Variants in SHOC2 observed in about 807,000 individuals in gnomAD.
SHOC2 encodes the protein SHOC2 leucine rich repeat scaffold protein.
A neutral mutation model predicts 50.2 loss-of-function variants in SHOC2; 4 were observed. The observed-to-expected ratio is 0.08, with a 90% CI of 0.04 to 0.18. SHOC2 has a LOEUF of 0.18. Ranked by LOEUF, SHOC2 falls within the 10% of genes least tolerant of loss-of-function variation. The pLI, the probability that SHOC2 is intolerant of heterozygous loss-of-function variation, is 1.00. For missense variants in SHOC2, 388 were observed against 669.6 expected, an observed-to-expected ratio of 0.58 and a Z score of 4.64; for synonymous variants, 218 against 244.5, an observed-to-expected ratio of 0.89 and a Z score of 1.01.
intron 2 of SHOC2, among the ~76,000 whole-genome samples, chr10:110,983,328 ACT>A (rs1331589071): frequency 6.6e-6 from 1 of 151,282 alleles, no homozygotes; most frequent in Non-Finnish European, 1.5e-5. Context: ...ATTGATTTAT[ACT>A]CTTATTTTTA....
intron 1 of SHOC2, among the ~76,000 whole-genome samples, chr10:110,925,505 A>T (rs978955087): frequency 1.3e-5 from 2 of 152,102 alleles, no homozygotes; most frequent in Non-Finnish European, 2.9e-5. Flanking sequence ...CCCAGACTAG[A>T]GTGCAGTGGC....
In SHOC2 at chr10:111,012,325, T is replaced by G. The variant is rs1190217442; in HGVS notation, c.*507T>G. 6.2e-6 allele frequency: 1 copy of G among 160,678 alleles called. No individual in the cohort carries two copies. The highest frequency in any genetic ancestry group is 2.4e-5 in the African/African-American group (1 of 41,470). 10.0% of individuals were successfully genotyped at this position (160,678 alleles called of 1,614,324 possible). On this transcript the variant is annotated 3_prime_UTR_variant, in exon 9 of 9. Transcript: ENST00000369452. ...AGTCAGAGTAAATCACTGGATTTCT[T>G]TTGTTTGTTTTGATTTGCTCTGTTT...
intron 3 of SHOC2, among the ~76,000 whole-genome samples, chr10:110,996,469 A>C (rs1848270070): frequency 6.6e-6 from 1 of 151,932 alleles, no homozygotes; most frequent in African/African-American, 2.4e-5. Context: ...TTGAGGCTGC[A>C]GAGAGCCATG....
At chr10:110,939,282 C>T (rs1414248505) in intron 1 of SHOC2, among the ~76,000 whole-genome samples, 6 of 151,952 alleles carry the variant, frequency 3.9e-5, no homozygotes, top group African/African-American at 1.5e-4. Flanking sequence ...GCAGTGGCAC[C>T]ATCATGGCTC....
At chr10:110,999,202 C>G (rs1848320898) in intron 3 of SHOC2, among the ~76,000 whole-genome samples, 1 of 152,118 alleles carries the variant, frequency 6.6e-6, no homozygotes. Flanking sequence ...CTGGCCCATC[C>G]AAGTATCTCA....
chr10:110,988,504 T>C (rs566904822), intron 3 of SHOC2, among the ~76,000 whole-genome samples: 6 of 152,156 alleles, frequency 3.9e-5, no homozygotes, highest in Non-Finnish European at 8.8e-5. Flanking sequence ...CATAACATTC[T>C]TATTATTTTA....
intron 1 of SHOC2, among the ~76,000 whole-genome samples, chr10:110,958,337 C>T (rs937332102): frequency 5.9e-5 from 9 of 152,102 alleles, no homozygotes; most frequent in African/African-American, 2.2e-4. Context: ...CCTCAGCCTC[C>T]TGAGTAGCTG....
chr10:110,943,368 GT>G (rs1847188038), intron 1 of SHOC2, among the ~76,000 whole-genome samples: 1 of 151,318 alleles, frequency 6.6e-6, no homozygotes, highest in East Asian at 1.9e-4. Flanking sequence ...TTCTAGTGAG[GT>G]TTGCATTTCC....
At chr10:110,940,926 T>G (rs1202707393) in intron 1 of SHOC2, among the ~76,000 whole-genome samples, 5,392 of 15,062 alleles carry the variant, frequency 0.36, 632 homozygotes, top group African/African-American at 0.41. Flanking sequence ...TTTTTTTTTT[T>G]TTTTTTTTTT....
chr10:110,935,053 G>A (rs535259090), intron 1 of SHOC2, among the ~76,000 whole-genome samples: 38 of 152,170 alleles, frequency 2.5e-4, no homozygotes, highest in Non-Finnish European at 4.1e-4. Flanking sequence ...GCATATATAT[G>A]TATATATTTT....
Position 111,004,809 on chromosome 10 carries a change from G to T in SHOC2, c.1161+15G>T, listed in dbSNP as rs975104320. ...TGAATATGAAGGTAAGCATATATTTGTTTACTAGGGAAAGGAATTGCTTTA... is the reference window on the plus strand; with the variant it reads ...TGAATATGAAGGTAAGCATATATTTTTTTACTAGGGAAAGGAATTGCTTTA... On this transcript the variant is annotated intron_variant, in intron 5 of 8. Coordinates refer to ENST00000369452, the MANE Select transcript of SHOC2 (RefSeq NM_007373.4). 2 of 1,546,742 alleles carry T rather than the reference G, an allele frequency of 1.3e-6. No individual in the cohort carries two copies. The highest frequency in any genetic ancestry group is 1.8e-6 in the Non-Finnish European group (2 of 1,119,862).
At chr10:110,939,635 T>TG (rs1352456970) in intron 1 of SHOC2, among the ~76,000 whole-genome samples, 2 of 152,220 alleles carry the variant, frequency 1.3e-5, no homozygotes, top group African/African-American at 2.4e-5. Context: ...TGTTAGATTA[T>TG]AACGTATGTC....
At chr10:110,925,824 A>G (rs1332531602) in intron 1 of SHOC2, among the ~76,000 whole-genome samples, 1 of 151,924 alleles carries the variant, frequency 6.6e-6, no homozygotes, top group East Asian at 1.9e-4. Context: ...GATATCCCAA[A>G]CTCCATTCCC....
intron 3 of SHOC2, among the ~76,000 whole-genome samples, chr10:110,989,804 G>A (rs1302244932): frequency 6.6e-6 from 1 of 152,096 alleles, no homozygotes; most frequent in African/African-American, 2.4e-5. Flanking sequence ...TTTCAGTACA[G>A]TGTTCTTCAG....
intron 1 of SHOC2, among the ~76,000 whole-genome samples, chr10:110,952,566 C>CT (rs1847377023): frequency 1.3e-5 from 2 of 151,496 alleles, no homozygotes; most frequent in South Asian, 4.2e-4. Flanking sequence ...TTTAAGTTTA[C>CT]TTTAAGTTCC....
intron 1 of SHOC2, among the ~76,000 whole-genome samples, chr10:110,932,988 G>A (rs1261809676): frequency 2.0e-5 from 3 of 152,158 alleles, no homozygotes; most frequent in Non-Finnish European, 4.4e-5. Context: ...ATCATTCCAT[G>A]TACTTCTGAA....
intron 1 of SHOC2, among the ~76,000 whole-genome samples, chr10:110,954,660 A>G (rs1590797078): frequency 6.6e-6 from 1 of 152,244 alleles, no homozygotes; most frequent in East Asian, 1.9e-4. Flanking sequence ...ATGTATCATA[A>G]GCAAATAAAC....
chr10:110,929,521 T>C (rs893255594), intron 1 of SHOC2, among the ~76,000 whole-genome samples: 1 of 152,220 alleles, frequency 6.6e-6, no homozygotes, highest in Non-Finnish European at 1.5e-5. Context: ...TACCATAGAC[T>C]GGGCGGCTTA....
At chr10:110,949,439 TA>T (rs1238752223) in intron 1 of SHOC2, among the ~76,000 whole-genome samples, 2 of 152,090 alleles carry the variant, frequency 1.3e-5, no homozygotes, top group Non-Finnish European at 2.9e-5. Context: ...ACTGAATCAG[TA>T]ATCAAGAACC....
Sources: allele counts gnomAD v4.1 joint callset (sites outside exome capture counted in the v4.1 genomes callset), GRCh38; gene constraint gnomAD v4.1.1; transcripts MANE v1.5; gene names NCBI Gene and HGNC (gene_info 2026-07-23, HGNC 2026-07-21).